The following MGAT4C variants were observed in gnomAD, a reference collection of about 807,000 sequenced individuals.
MGAT4C encodes the protein alpha-1,3-mannosyl-glycoprotein 4-beta-N-acetylglucosaminyltransferase C.
Under a neutral mutation model 40.1 loss-of-function variants are expected in MGAT4C, and 19 were observed. The ratio of observed to expected loss-of-function variants is 0.47; its 90% CI spans 0.33 to 0.70. The LOEUF is 0.70. Ranked by LOEUF, MGAT4C falls within the 30% of genes least tolerant of loss-of-function variation. The pLI, the probability that MGAT4C is intolerant of heterozygous loss-of-function variation, is 0.02. For synonymous variants in MGAT4C, 181 were observed against 187.1 expected (o/e 0.97, Z 0.27); for missense variants, 491 against 563.2 (o/e 0.87, Z 1.30).
At chr12:86,672,987 C>T (rs1395689186) in intron 2 of MGAT4C, among the ~76,000 whole-genome samples, 2 of 151,868 alleles carry the variant, frequency 1.3e-5, no homozygotes, top group African/African-American at 2.4e-5. Context: ...AAATAATTAG[C>T]TTTTCTTATC....
chr12:86,772,161 T>C (rs957876285), intron 1 of MGAT4C, among the ~76,000 whole-genome samples: 1 of 152,176 alleles, frequency 6.6e-6, no homozygotes, highest in East Asian at 1.9e-4. Context: ...CATGGGTCTA[T>C]TCAACCATCT....
At chr12:86,735,814 T>C (rs1950977119) in intron 1 of MGAT4C, among the ~76,000 whole-genome samples, 1 of 151,886 alleles carries the variant, frequency 6.6e-6, no homozygotes, top group African/African-American at 2.4e-5. Flanking sequence ...GTTCAGTTAT[T>C]AGCAAAATCG....
At chr12:86,260,107 A>G (rs1952629211), upstream of MGAT4C, among the ~76,000 whole-genome samples, 1 of 152,168 alleles carries the variant, frequency 6.6e-6, no homozygotes, top group African/African-American at 2.4e-5. Context: ...ATCTGCTCAA[A>G]AAATGGAAGG....
At chr12:86,015,202 T>G (rs2136837869) in intron 2 of MGAT4C, among the ~76,000 whole-genome samples, 1 of 151,728 alleles carries the variant, frequency 6.6e-6, no homozygotes, top group African/African-American at 2.4e-5. Context: ...TAAATAATAA[T>G]AAGGTTGGTG....
rs188304659 is a variant in MGAT4C at position 86,432,356 on chromosome 12, A to C, written c.-120+2801T>G. On this transcript the variant is annotated intron_variant, in intron 3 of 7. Coordinates refer to the MGAT4C transcript ENST00000548651. Reference sequence around the variant, plus strand: ...GCAGATACATGGATGGTATTTAGAGAGGGATGTGTAGTCCCAGCCAAATAT... The same window carrying C: ...GCAGATACATGGATGGTATTTAGAGCGGGATGTGTAGTCCCAGCCAAATAT... 2.0e-3 allele frequency among the ~76,000 whole-genome samples: 302 copies of C among 152,226 alleles called. 1 individual carries two copies. The highest frequency in any genetic ancestry group is 7.0e-3 in the African/African-American group (293 of 41,564).
chr12:86,704,074 AT>A (rs1419293873), intron 2 of MGAT4C, among the ~76,000 whole-genome samples: 1 of 152,160 alleles, frequency 6.6e-6, no homozygotes, highest in African/African-American at 2.4e-5. Context: ...GGACAAGGAA[AT>A]AATCAAAATA....
At chr12:86,084,335 G>A (rs763021395) in intron 1 of MGAT4C, among the ~76,000 whole-genome samples, 3 of 151,960 alleles carry the variant, frequency 2.0e-5, no homozygotes, top group Non-Finnish European at 4.4e-5. Context: ...AGTATATGAA[G>A]TATTGTACCA....
intron 2 of MGAT4C, among the ~76,000 whole-genome samples, chr12:86,028,842 A>T (rs148851316): frequency 2.8e-4 from 43 of 152,088 alleles, no homozygotes; most frequent in African/African-American, 9.6e-4. Context: ...AATCCATATT[A>T]TGACTAAGAA....
intron 2 of MGAT4C, among the ~76,000 whole-genome samples, chr12:86,489,970 G>T (rs1289548940): frequency 3.3e-5 from 5 of 150,654 alleles, no homozygotes; most frequent in African/African-American, 1.0e-4. Flanking sequence ...AAGTGACGGG[G>T]AGAATGGAAC....
chr12:86,477,926 A>G (rs1300825322), intron 2 of MGAT4C, among the ~76,000 whole-genome samples: 1 of 152,142 alleles, frequency 6.6e-6, no homozygotes, highest in African/African-American at 2.4e-5. Context: ...AGATTAATGT[A>G]TAAAACAGTC....
intron 1 of MGAT4C, among the ~76,000 whole-genome samples, chr12:86,078,543 G>T (rs1403589434): frequency 1.3e-5 from 2 of 152,270 alleles, no homozygotes; most frequent in South Asian, 4.1e-4. Flanking sequence ...GATGGAAGAG[G>T]TCCAATATAA....
intron 2 of MGAT4C, among the ~76,000 whole-genome samples, chr12:86,562,855 C>T (rs1959934856): frequency 1.3e-5 from 2 of 152,066 alleles, no homozygotes; most frequent in African/African-American, 4.8e-5. Context: ...TGATATGGGC[C>T]TAACCAGGGA....
In MGAT4C at chr12:86,502,780, TTCTGCTCATATATATGTATACAC is replaced by T. The variant is rs1219608026; in HGVS notation, c.-228-67538_-228-67516del. Among the ~76,000 whole-genome samples the T allele has an allele frequency of 1.5e-4, 19 of 123,492 alleles. 1 individual carries two copies. Among genetic ancestry groups the T allele is most frequent in the African/African-American group, 5.1e-4 (17 of 33,656 alleles). 81.0% of individuals were successfully genotyped at this position (123,492 alleles called of 152,430 possible). ...CTGCTCATATATATGTATACACGAG[TTCTGCTCATATATATGTATACAC>T]GAGTTCTGCTCATATATATGTATAC... On this transcript the variant is annotated intron_variant, in intron 2 of 7. Coordinates refer to the MGAT4C transcript ENST00000548651.
chr12:86,228,370 C>A (rs944033213), intron 1 of MGAT4C, among the ~76,000 whole-genome samples: 1 of 151,678 alleles, frequency 6.6e-6, no homozygotes, highest in Non-Finnish European at 1.5e-5. Flanking sequence ...ATTCAATATG[C>A]CTTATATCTA....
chr12:86,570,904 C>T lies in MGAT4C; in HGVS notation c.-228-135639G>A, dbSNP rs550810320. 7.2e-5 allele frequency among the ~76,000 whole-genome samples: 11 copies of T among 152,214 alleles called. No homozygotes were observed. The East Asian group carries it at 2.1e-3, about 29-fold the overall frequency. ...CCTTGGCTCACCGCATCCTCCAACTCCTGGGTTTAAGCGATTCTCATGCCT... is the reference window on the plus strand; with the variant it reads ...CCTTGGCTCACCGCATCCTCCAACTTCTGGGTTTAAGCGATTCTCATGCCT... On this transcript the variant is annotated intron_variant, in intron 2 of 7. Transcript: ENST00000548651.
chr12:86,528,765 T>A (rs1958928059), intron 2 of MGAT4C, among the ~76,000 whole-genome samples: 1 of 152,040 alleles, frequency 6.6e-6, no homozygotes, highest in Admixed American at 6.6e-5. Context: ...AGCCCTTTTG[T>A]TCATATATTT....
At chr12:85,989,609 TA>T in intron 2 of MGAT4C, 57 bp from the exon 3 acceptor site, 2 of 1,452,300 alleles carry the variant, frequency 1.4e-6, no homozygotes, top group South Asian at 2.7e-5. Context: ...AATATTTCTT[TA>T]TCGCATATAT....
chr12:86,278,856 C>T (rs1953142225), intron 4 of MGAT4C, among the ~76,000 whole-genome samples: 1 of 151,004 alleles, frequency 6.6e-6, no homozygotes, highest in Non-Finnish European at 1.5e-5. Context: ...TCCTTCTATA[C>T]CCAGTTTTTG....
At chr12:86,259,626 C>T (rs962852847), upstream of MGAT4C, among the ~76,000 whole-genome samples, 1 of 149,230 alleles carries the variant, frequency 6.7e-6, no homozygotes, top group Non-Finnish European at 1.5e-5. Flanking sequence ...AACGTTGTCT[C>T]ATTATTTATT....
Sources: gnomAD v4.1 joint callset for allele counts (sites outside exome capture counted in the v4.1 genomes callset) on GRCh38, gnomAD v4.1.1 for gene constraint, MANE v1.5 for transcripts, NCBI Gene and HGNC (gene_info 2026-07-23, HGNC 2026-07-21) for gene names.